The following BCAR3 variants were observed in gnomAD, a reference collection of about 807,000 sequenced individuals.
BCAR3 encodes the protein breast cancer anti-estrogen resistance protein 3.
In BCAR3, 37 loss-of-function variants were observed where a neutral mutation model predicts 80.1. The observed-to-expected ratio is 0.46, with a 90% CI of 0.36 to 0.61. BCAR3 has a LOEUF of 0.61. BCAR3 is among the 20% of genes least tolerant of loss of function. BCAR3 has a pLI of 0.00. For synonymous variants in BCAR3, 389 were observed against 418.9 expected (o/e 0.93, Z 0.87); for missense variants, 978 against 1,068.2 (o/e 0.92, Z 1.18).
intron 2 of BCAR3, among the ~76,000 whole-genome samples, chr1:93,672,902 T>G (rs1313081818): frequency 6.6e-6 from 1 of 152,216 alleles, no homozygotes; most frequent in Non-Finnish European, 1.5e-5. Flanking sequence ...CGCCTAGCTT[T>G]GCACCAACAC....
intron 2 of BCAR3, among the ~76,000 whole-genome samples, chr1:93,800,606 G>A (rs1395587180): frequency 2.0e-5 from 3 of 151,362 alleles, no homozygotes; most frequent in African/African-American, 7.3e-5. Flanking sequence ...TAAATAAGAA[G>A]GAAAGCAAGC....
chr1:93,644,780 T>G (rs946814511), intron 2 of BCAR3, among the ~76,000 whole-genome samples: 2 of 152,212 alleles, frequency 1.3e-5, no homozygotes, highest in African/African-American at 4.8e-5. Flanking sequence ...CATTGAAGCC[T>G]CACCCAGTTT....
At chr1:93,768,559 G>A (rs1416097704) in intron 2 of BCAR3, among the ~76,000 whole-genome samples, 1 of 152,162 alleles carries the variant, frequency 6.6e-6, no homozygotes, top group East Asian at 1.9e-4. Flanking sequence ...TGGTAACTAG[G>A]AGAACTTAAA....
At chr1:93,711,612 G>A (rs1171343191) in intron 2 of BCAR3, among the ~76,000 whole-genome samples, 1 of 152,218 alleles carries the variant, frequency 6.6e-6, no homozygotes, top group Non-Finnish European at 1.5e-5. Context: ...GCAAAGGGGT[G>A]TGGATATAGG....
In BCAR3 at chr1:93,573,267, C is replaced by T. The variant is rs1475545221; in HGVS notation, c.1803-1426G>A. On this transcript the variant is annotated intron_variant, in intron 8 of 11. Coordinates refer to ENST00000260502, the MANE Select transcript of BCAR3 (RefSeq NM_003567.4). ...CAAAAATGAGCCAGGCATGGTGGCA[C>T]ATGCCTGTAGTCCCAGCTACTCGAG... 2.6e-5 allele frequency among the ~76,000 whole-genome samples: 4 copies of T among 152,070 alleles called. No individual in the cohort carries two copies. The East Asian group carries it at 7.7e-4, about 29-fold the overall frequency.
In BCAR3 at chr1:93,657,289, T is replaced by TA. The variant is rs915944622; in HGVS notation, c.318-14947dup. ...AAATCAAAATAATCCTATAAACATT[T>TA]AAAAAAACCTGAAGAAGTAGTTCAA... On this transcript the variant is annotated intron_variant, in intron 2 of 11. Transcript: ENST00000260502. Among the ~76,000 whole-genome samples, 11 of 152,224 alleles carry TA rather than the reference T, an allele frequency of 7.2e-5. 1 individual carries two copies. The South Asian group carries it at 1.5e-3, about 20-fold the overall frequency.
At chr1:93,758,556 T>C (rs1244747634) in intron 2 of BCAR3, among the ~76,000 whole-genome samples, 1 of 152,214 alleles carries the variant, frequency 6.6e-6, no homozygotes, top group Non-Finnish European at 1.5e-5. Flanking sequence ...TTTCACTAGA[T>C]TCTCAAAGGT....
intron 2 of BCAR3, among the ~76,000 whole-genome samples, chr1:93,841,233 C>T (rs1195945462): frequency 1.3e-5 from 2 of 152,164 alleles, no homozygotes. Context: ...TAAGTCAAGC[C>T]CATTTCCTAT....
intron 5 of BCAR3, chr1:93,585,251 G>A (rs1368344013): frequency 3.1e-6 from 3 of 967,496 alleles, no homozygotes; most frequent in Non-Finnish European, 3.7e-6. Flanking sequence ...GTGGCACCTG[G>A]CCAGAGCTGC....
intron 3 of BCAR3, among the ~76,000 whole-genome samples, chr1:93,637,206 G>A (rs236274): frequency 0.046 from 6,948 of 151,628 alleles, 244 homozygotes; most frequent in East Asian, 0.12. Context: ...GTCTTGCTCT[G>A]TTGCCCAGGC....
intron 2 of BCAR3, among the ~76,000 whole-genome samples, chr1:93,842,686 C>A (rs971902825): frequency 3.3e-5 from 5 of 152,198 alleles, no homozygotes; most frequent in African/African-American, 1.2e-4. Flanking sequence ...AATGCTTTCC[C>A]ATTGCCACAT....
intron 2 of BCAR3, among the ~76,000 whole-genome samples, chr1:93,818,018 TGACGCACTGGTTCCCAGG>T (rs1200277496): frequency 6.6e-6 from 1 of 152,212 alleles, no homozygotes; most frequent in African/African-American, 2.4e-5. Flanking sequence ...TCCTTACCGG[TGACGCACTGGTTCCCAGG>T]GCCCCTGGTT....
chr1:93,659,662 T>C (rs1202353429), intron 2 of BCAR3, among the ~76,000 whole-genome samples: 1 of 152,144 alleles, frequency 6.6e-6, no homozygotes, highest in Non-Finnish European at 1.5e-5. Flanking sequence ...ATTTTTTAGA[T>C]GACAATCACG....
At chr1:93,816,570 C>G (rs1015098858) in intron 2 of BCAR3, among the ~76,000 whole-genome samples, 1 of 144,242 alleles carries the variant, frequency 6.9e-6, no homozygotes, top group Non-Finnish European at 1.5e-5. Flanking sequence ...ACTCAAGAGG[C>G]TGAGGCAGGA....
chr1:93,701,733 C>A (rs1571058831), intron 3 of BCAR3, among the ~76,000 whole-genome samples: 1 of 152,202 alleles, frequency 6.6e-6, no homozygotes, highest in Non-Finnish European at 1.5e-5. Context: ...GATTCTGTCT[C>A]CATTTTTGGT....
intron 2 of BCAR3, among the ~76,000 whole-genome samples, chr1:93,837,534 GA>G (rs1265351483): frequency 6.6e-6 from 1 of 152,058 alleles, no homozygotes; most frequent in Non-Finnish European, 1.5e-5. Context: ...AGATTTACTA[GA>G]GAGCCATATT....
intron 2 of BCAR3, among the ~76,000 whole-genome samples, chr1:93,671,035 C>T (rs2101942440): frequency 6.6e-6 from 1 of 152,168 alleles, no homozygotes; most frequent in African/African-American, 2.4e-5. Flanking sequence ...CTCTGTCACC[C>T]AAGGCAGAGT....
chr1:93,770,228 G>A (rs963707884), intron 2 of BCAR3, among the ~76,000 whole-genome samples: 7 of 152,172 alleles, frequency 4.6e-5, no homozygotes, highest in African/African-American at 7.2e-5. Flanking sequence ...TCTAACGGAA[G>A]AGCTGCTGGG....
At chr1:93,782,269 C>T (rs1652787641) in intron 2 of BCAR3, among the ~76,000 whole-genome samples, 1 of 152,112 alleles carries the variant, frequency 6.6e-6, no homozygotes, top group African/African-American at 2.4e-5. Flanking sequence ...TTGGGGTGTC[C>T]CTCCTGTGAG....
Sources: gnomAD v4.1 joint callset for allele counts (sites outside exome capture counted in the v4.1 genomes callset) on GRCh38, gnomAD v4.1.1 for gene constraint, MANE v1.5 for transcripts, NCBI Gene and HGNC (gene_info 2026-07-23, HGNC 2026-07-21) for gene names.